Variants in MEIS2 observed in about 807,000 individuals in gnomAD.
The protein encoded by MEIS2 is Meis homeobox 2.
Under a neutral mutation model 58.6 loss-of-function variants are expected in MEIS2, and 9 were observed. The ratio of observed to expected loss-of-function variants is 0.15; its 90% CI spans 0.09 to 0.27. The LOEUF (loss-of-function observed/expected upper bound fraction) is 0.27, where lower values mean the gene tolerates loss of function less well. MEIS2 is among the 10% of genes least tolerant of loss of function. The pLI, the probability that MEIS2 is intolerant of heterozygous loss-of-function variation, is 1.00. For missense variants in MEIS2, 427 were observed against 635.0 expected (o/e 0.67, Z 3.52); for synonymous variants, 221 against 228.4 (o/e 0.97, Z 0.29).
At chr15:37,082,710 T>G (rs186053201) in intron 7 of MEIS2, among the ~76,000 whole-genome samples, 1 of 152,312 alleles carries the variant, frequency 6.6e-6, no homozygotes, top group Non-Finnish European at 1.5e-5. Flanking sequence ...AGATTCTAAT[T>G]TGGACCCATT....
intron 1 of MEIS2, chr15:37,098,807 A>G (rs1567301645): frequency 8.1e-6 from 5 of 615,880 alleles, no homozygotes; most frequent in Non-Finnish European, 8.1e-6. Context: ...GCTAATAATC[A>G]GCACGAGAAC....
intron 4 of MEIS2, chr15:37,094,871 C>T (rs1222886383): frequency 4.6e-6 from 1 of 216,138 alleles, no homozygotes; most frequent in Admixed American, 5.9e-5. Flanking sequence ...TCGGGCCAGG[C>T]CTTTTTTCTC....
intron 8 of MEIS2, among the ~76,000 whole-genome samples, chr15:36,990,840 G>A (rs774776712): frequency 2.1e-4 from 32 of 152,174 alleles, no homozygotes; most frequent in Non-Finnish European, 3.8e-4. Flanking sequence ...GATATTGAGA[G>A]CTATTAGATA....
intron 2 of MEIS2, 107 bp from the exon 3 acceptor site, chr15:37,096,537 T>C (rs1894276445): frequency 1.5e-6 from 2 of 1,368,690 alleles, no homozygotes; most frequent in Non-Finnish European, 2.0e-6. Context: ...CCTTCTTTAA[T>C]ACAACAGGCA....
chr15:37,095,648 C>A (rs758450623), intron 3 of MEIS2, 34 bp from the exon 4 acceptor site: 3 of 1,613,990 alleles, frequency 1.9e-6, no homozygotes, highest in Admixed American at 1.7e-5. Context: ...TGAACGATCA[C>A]CCCATTTAAA....
intron 2 of MEIS2, among the ~76,000 whole-genome samples, chr15:37,097,700 G>A (rs1224810330): frequency 3.9e-5 from 6 of 152,188 alleles, no homozygotes; most frequent in Non-Finnish European, 8.8e-5. Flanking sequence ...AGAAGGCCCC[G>A]GCAAGATTCT....
At chr15:36,989,959 T>TG (rs1232294441) in intron 8 of MEIS2, among the ~76,000 whole-genome samples, 1 of 152,184 alleles carries the variant, frequency 6.6e-6, no homozygotes, top group Admixed American at 6.5e-5. Flanking sequence ...TTTGTTTGTT[T>TG]TTTGAGACAG....
At chr15:37,065,022 A>C (rs1168622856) in intron 7 of MEIS2, among the ~76,000 whole-genome samples, 1 of 152,208 alleles carries the variant, frequency 6.6e-6, no homozygotes, top group Non-Finnish European at 1.5e-5. Context: ...TTATGCTGAA[A>C]TATCATTCTC....
intron 7 of MEIS2, among the ~76,000 whole-genome samples, chr15:37,056,786 C>T (rs1055472815): frequency 2.2e-4 from 34 of 152,212 alleles, no homozygotes; most frequent in Non-Finnish European, 4.6e-4. Context: ...GTGTCTTCAA[C>T]AGGCGGGGGC....
intron 7 of MEIS2, among the ~76,000 whole-genome samples, chr15:37,079,950 C>T (rs1402194333): frequency 6.6e-6 from 1 of 152,010 alleles, no homozygotes; most frequent in Non-Finnish European, 1.5e-5. Context: ...CCAACTGTCT[C>T]GGTATTTCTG....
At chr15:36,914,229 G>GT (rs1354270444) in intron 9 of MEIS2, among the ~76,000 whole-genome samples, 1 of 152,182 alleles carries the variant, frequency 6.6e-6, no homozygotes, top group Non-Finnish European at 1.5e-5. Flanking sequence ...ATGGAGAAGC[G>GT]TAAGAATCCA....
chr15:36,977,089 G>A (rs2059785106), intron 8 of MEIS2, among the ~76,000 whole-genome samples: 1 of 152,136 alleles, frequency 6.6e-6, no homozygotes, highest in African/African-American at 2.4e-5. Flanking sequence ...TTGTGGGATT[G>A]CACTCCAGCC....
intron 8 of MEIS2, among the ~76,000 whole-genome samples, chr15:37,013,251 A>C (rs2061226632): frequency 1.3e-5 from 2 of 152,136 alleles, no homozygotes; most frequent in African/African-American, 4.8e-5. Flanking sequence ...AGGAACACAG[A>C]AGAGCAGAAG....
chr15:37,035,915 C>A (rs760391067), intron 8 of MEIS2, among the ~76,000 whole-genome samples: 1 of 152,206 alleles, frequency 6.6e-6, no homozygotes, highest in Non-Finnish European at 1.5e-5. Flanking sequence ...TTTCAATGTG[C>A]TACTCTATTT....
chr15:36,956,021 CAAAAAA>C (rs757524401), intron 8 of MEIS2, among the ~76,000 whole-genome samples: 3 of 46,618 alleles, frequency 6.4e-5, no homozygotes, highest in South Asian at 2.4e-3. Context: ...ACTAAAAATA[CAAAAAA>C]AAAAAAAAAA....
intron 9 of MEIS2, among the ~76,000 whole-genome samples, chr15:36,924,781 A>C (rs1033301268): frequency 1.3e-5 from 2 of 152,190 alleles, no homozygotes; most frequent in African/African-American, 4.8e-5. Context: ...CAAATGGATG[A>C]GTTTCCCTGA....
At chr15:37,012,824 C>T (rs2061210197) in intron 8 of MEIS2, among the ~76,000 whole-genome samples, 1 of 152,004 alleles carries the variant, frequency 6.6e-6, no homozygotes, top group Admixed American at 6.6e-5. Context: ...TTCAGGTGTA[C>T]ATATGAAAGG....
At chr15:37,021,966 A>T (rs777304498) in intron 8 of MEIS2, among the ~76,000 whole-genome samples, 1 of 152,140 alleles carries the variant, frequency 6.6e-6, no homozygotes, top group African/African-American at 2.4e-5. Context: ...ATAATTTTTA[A>T]TGGTTACACA....
intron 7 of MEIS2, among the ~76,000 whole-genome samples, chr15:37,077,969 G>T (rs1243575476): frequency 6.6e-6 from 1 of 152,078 alleles, no homozygotes; most frequent in Non-Finnish European, 1.5e-5. Context: ...TCTCAGAGCA[G>T]AAAGGGATAC....
Sources: gnomAD v4.1 joint callset for allele counts (sites outside exome capture counted in the v4.1 genomes callset) on GRCh38, gnomAD v4.1.1 for gene constraint, MANE v1.5 for transcripts, NCBI Gene and HGNC (gene_info 2026-07-23, HGNC 2026-07-21) for gene names.